ESRRG: variants seen among roughly 807,000 people sequenced by gnomAD.
ESRRG encodes the protein estrogen related receptor gamma.
In ESRRG, 13 loss-of-function variants were observed where a neutral mutation model predicts 44.0. The ratio of observed to expected loss-of-function variants is 0.30; its 90% CI spans 0.19 to 0.47. The LOEUF (loss-of-function observed/expected upper bound fraction) is 0.47, where lower values mean the gene tolerates loss of function less well. ESRRG is among the 20% of genes least tolerant of loss of function. The pLI is 1.00. For synonymous variants in ESRRG, 215 were observed against 214.6 expected, an observed-to-expected ratio of 1.00 and a Z score of -0.02; for missense variants, 395 against 580.6, an observed-to-expected ratio of 0.68 and a Z score of 3.29.
intron 1 of ESRRG, among the ~76,000 whole-genome samples, chr1:216,988,450 A>T (rs1358365346): frequency 6.6e-6 from 1 of 152,204 alleles, no homozygotes; most frequent in East Asian, 1.9e-4. Flanking sequence ...ACAGGAACTC[A>T]GCAGCAAAAC....
chr1:216,675,697 T>A (rs1344524715), intron 2 of ESRRG, among the ~76,000 whole-genome samples: 1 of 152,194 alleles, frequency 6.6e-6, no homozygotes, highest in Non-Finnish European at 1.5e-5. Flanking sequence ...TCAGAGATTC[T>A]GTTTGAGTTA....
chr1:216,712,387 AT>A (rs920539416), intron 1 of ESRRG, among the ~76,000 whole-genome samples: 7 of 152,134 alleles, frequency 4.6e-5, no homozygotes, highest in African/African-American at 1.4e-4. Context: ...GACATGGATA[AT>A]TTTTTTTCCA....
chr1:216,671,566 C>T (rs1246913815), intron 2 of ESRRG, among the ~76,000 whole-genome samples: 4 of 152,074 alleles, frequency 2.6e-5, no homozygotes, highest in African/African-American at 7.2e-5. Flanking sequence ...TCAAGTACTT[C>T]GATATTCATT....
chr1:216,564,459 T>C (rs1331052516), intron 4 of ESRRG, 79 bp from the exon 5 acceptor site: 3 of 1,142,534 alleles, frequency 2.6e-6, no homozygotes, highest in Non-Finnish European at 3.6e-6. Context: ...ATTTTGTGTT[T>C]TGAAAAACAA....
chr1:216,779,564 T>C (rs1484348795), intron 2 of ESRRG, among the ~76,000 whole-genome samples: 37 of 52,678 alleles, frequency 7.0e-4, no homozygotes, highest in African/African-American at 2.7e-3. Flanking sequence ...ATATATTATA[T>C]ATAAAATTTG....
At chr1:216,994,967 C>T (rs539221776) in intron 1 of ESRRG, among the ~76,000 whole-genome samples, 43 of 152,300 alleles carry the variant, frequency 2.8e-4, no homozygotes, top group African/African-American at 9.4e-4. Flanking sequence ...GATGAGAGCA[C>T]CTTCATAAGC....
At chr1:216,669,753 G>A (rs958280072) in intron 2 of ESRRG, among the ~76,000 whole-genome samples, 4 of 152,146 alleles carry the variant, frequency 2.6e-5, no homozygotes, top group Admixed American at 6.6e-5. Flanking sequence ...AGGCTTGCTG[G>A]TGTGTGCCTG....
At chr1:216,591,247 C>T (rs2057616051) in intron 3 of ESRRG, among the ~76,000 whole-genome samples, 1 of 152,164 alleles carries the variant, frequency 6.6e-6, no homozygotes, top group Non-Finnish European at 1.5e-5. Context: ...ATGATTTAAT[C>T]ATTCATGCCT....
chr1:216,907,278 C>T (rs546749088), intron 2 of ESRRG, among the ~76,000 whole-genome samples: 3 of 152,272 alleles, frequency 2.0e-5, no homozygotes, highest in Non-Finnish European at 4.4e-5. Flanking sequence ...AACCAAAATC[C>T]ACTTCAGCAA....
Position 216,793,297 on chromosome 1 carries a change from G to A in ESRRG, c.-13-115806C>T, listed in dbSNP as rs142578433. Among the ~76,000 whole-genome samples, 488 of 152,318 alleles carry A rather than the reference G, an allele frequency of 3.2e-3. 2 individuals are homozygous for A. Among genetic ancestry groups the A allele is most frequent in the Non-Finnish European group, 5.6e-3 (380 of 68,026 alleles). Reference sequence around the variant, plus strand: ...ATATATTTGCATAGGCCCCTCCAAAGTTGTACCAGGATTAGTCTGTGTGAC... The same window carrying A: ...ATATATTTGCATAGGCCCCTCCAAAATTGTACCAGGATTAGTCTGTGTGAC... On this transcript the variant is annotated intron_variant, in intron 2 of 7. Coordinates refer to the ESRRG transcript ENST00000359162.
intron 1 of ESRRG, among the ~76,000 whole-genome samples, chr1:216,945,307 C>T (rs1396750218): frequency 2.0e-5 from 3 of 152,038 alleles, no homozygotes; most frequent in Non-Finnish European, 4.4e-5. Flanking sequence ...TCAGAATTTC[C>T]TTCAAGCTGG....
At chr1:216,903,915 G>A (rs2059385861) in intron 2 of ESRRG, among the ~76,000 whole-genome samples, 1 of 152,058 alleles carries the variant, frequency 6.6e-6, no homozygotes, top group Non-Finnish European at 1.5e-5. Flanking sequence ...AGGAGGACAC[G>A]CAAACCCTGG....
intron 1 of ESRRG, among the ~76,000 whole-genome samples, chr1:217,100,308 C>A (rs970505600): frequency 3.9e-5 from 6 of 152,210 alleles, no homozygotes; most frequent in African/African-American, 9.6e-5. Flanking sequence ...GTTAAAAGCA[C>A]AGCATGCCAG....
intron 2 of ESRRG, among the ~76,000 whole-genome samples, chr1:216,847,654 T>G (rs1320944339): frequency 2.0e-5 from 3 of 152,070 alleles, no homozygotes; most frequent in Non-Finnish European, 2.9e-5. Context: ...GCATATTGTC[T>G]CTCTCTAAAC....
chr1:216,753,175 T>TACACC (rs2092189774), intron 2 of ESRRG, among the ~76,000 whole-genome samples: 1 of 148,910 alleles, frequency 6.7e-6, no homozygotes, highest in Admixed American at 6.8e-5. Flanking sequence ...TATATATTGA[T>TACACC]ACACACACAC....
intron 2 of ESRRG, among the ~76,000 whole-genome samples, chr1:216,895,983 C>G (rs3795705): frequency 1.3e-5 from 2 of 152,302 alleles, no homozygotes; most frequent in Non-Finnish European, 2.9e-5. Context: ...TATCAGGTTT[C>G]TCCTTGTACT....
intron 1 of ESRRG, among the ~76,000 whole-genome samples, chr1:216,978,665 A>T (rs73099432): frequency 9.6e-4 from 146 of 152,236 alleles, no homozygotes; most frequent in African/African-American, 3.1e-3. Flanking sequence ...CTGAATGTCA[A>T]TCTCTTCCAT....
chr1:216,887,662 G>A (rs2057212553), intron 2 of ESRRG, among the ~76,000 whole-genome samples: 1 of 152,018 alleles, frequency 6.6e-6, no homozygotes, highest in Non-Finnish European at 1.5e-5. Context: ...AAATGCTTTA[G>A]AATTTTCTGC....
At chr1:216,507,220 A>G (rs1418146945) in intron 6 of ESRRG, 37 bp from the exon 7 acceptor site, 1 of 1,452,262 alleles carries the variant, frequency 6.9e-7, no homozygotes, top group East Asian at 2.3e-5. Context: ...TAATTATAAT[A>G]ATAATAGCAA....
Sources: gnomAD v4.1 joint callset for allele counts (sites outside exome capture counted in the v4.1 genomes callset) on GRCh38, gnomAD v4.1.1 for gene constraint, MANE v1.5 for transcripts, NCBI Gene and HGNC (gene_info 2026-07-23, HGNC 2026-07-21) for gene names.